Variants in SON observed in about 807,000 individuals in gnomAD.
SON encodes protein SON.
In SON, 4 loss-of-function variants were observed where a neutral mutation model predicts 173.3. That is an observed-to-expected ratio of 0.02 (90% CI 0.01 to 0.05). The LOEUF (loss-of-function observed/expected upper bound fraction) is 0.05, where lower values mean the gene tolerates loss of function less well. Ranked by LOEUF, SON falls within the 10% of genes least tolerant of loss-of-function variation. SON has a pLI of 1.00. For synonymous variants in SON, 1,190 were observed against 1,105.9 expected (o/e 1.08, Z -1.51); for missense variants, 2,626 against 3,055.3 (o/e 0.86, Z 3.31).
rs776015303 is a variant in SON at position 33,549,807 on chromosome 21, A to G, written c.576A>G (p.Val192=). The change falls in exon 3 of 12, where the codon GTA becomes GTG. Residue 192 remains valine (V), a synonymous_variant. Coordinates refer to ENST00000356577, the MANE Select transcript of SON (RefSeq NM_138927.4). ...SPAVVLEPPV[V]SMEVSEPHIL... is the part of the protein sequence containing the mutation. ...CAGTTGTGCTAGAACCTCCTGTAGT[A>G]TCAATGGAGGTATCAGAGCCACACA... The G allele has an allele frequency of 7.4e-6, 12 of 1,614,120 alleles. No individual in the cohort carries two copies. The highest frequency in any genetic ancestry group is 4.5e-5 in the East Asian group (2 of 44,900).
intron 8 of SON, among the ~76,000 whole-genome samples, chr21:33,570,814 T>C (rs2086268334): frequency 6.6e-6 from 1 of 152,196 alleles, no homozygotes; most frequent in South Asian, 2.1e-4. Context: ...CACTGCTAGG[T>C]AGAAACTTCT....
chr21:33,546,540 G>T, intron 2 of SON, 161 bp downstream of exon 2: 1 of 500,124 alleles, frequency 2.0e-6, no homozygotes, highest in South Asian at 2.5e-5. Context: ...AGCACTTTGG[G>T]AGGCTGAGGT....
rs2085514436 is a variant in SON at position 33,543,450 on chromosome 21, C to T, written c.77+281C>T. The stretch of plus-strand genomic sequence containing the variant: ...TTCTCCCCTGTTTGGGTCCCCCCTG[C>T]CGTTTAGCTACTCGTAGGCCCGGTT... On this transcript the variant is annotated intron_variant, in intron 1 of 11. Coordinates refer to ENST00000356577, the MANE Select transcript of SON (RefSeq NM_138927.4). 5.4e-5 allele frequency: 25 copies of T among 464,354 alleles called. No homozygotes were observed. In the South Asian group the frequency reaches 5.5e-4, roughly 10 times the overall value. 28.8% of individuals were successfully genotyped at this position (464,354 alleles called of 1,614,324 possible).
intron 7 of SON, among the ~76,000 whole-genome samples, chr21:33,567,635 A>G (rs2086200144): frequency 6.6e-6 from 1 of 152,170 alleles, no homozygotes; most frequent in Non-Finnish European, 1.5e-5. Flanking sequence ...AGGGTGGTTA[A>G]GGCCAGGCAT....
chr21:33,552,678 G>A lies in SON; in HGVS notation c.3447G>A (p.Leu1149=), dbSNP rs148064125. Residue 1149 remains leucine, a synonymous_variant, in exon 3 of 12, where the codon TTG becomes TTA. Transcript: ENST00000356577. The surrounding 1 kb of genome is among the most constrained non-coding windows in gnomAD (Gnocchi z 5.6). ...TYTEAYMVPP[L]PPEEPPTMPP... is the part of the protein sequence containing the mutation. ...CAGAGGCATATATGGTGCCACCTTT[G>A]CCTCCTGAAGAGCCCCCAACAATGC... 282 of 1,614,006 alleles carry A rather than the reference G, an allele frequency of 1.7e-4. 1 individual carries two copies. The African/African-American group carries it at 3.6e-3, about 21-fold the overall frequency.
At position 33,551,876 on chromosome 21, in the gene SON, A is replaced by T; in HGVS notation, c.2645A>T (p.Asp882Val). Residue 882 changes from aspartate to valine, a missense_variant, in exon 3 of 12, where the codon GAT becomes GTT. By Grantham distance (152) the Asp-to-Val change is radical. Coordinates refer to ENST00000356577, the MANE Select transcript of SON (RefSeq NM_138927.4). The part of the protein sequence containing the change: ...DSQMLASGTM[D>V]AQMLASGTMD... ...CAAATGTTAGCTTCTGGCACCATGG[A>T]TGCTCAGATGTTAGCGTCTGGTACC... 1 of 1,614,068 alleles carries T rather than the reference A, an allele frequency of 6.2e-7. No homozygotes were observed. Among genetic ancestry groups the T allele is most frequent in the Non-Finnish European group, 8.5e-7 (1 of 1,180,006 alleles).
rs760754602 is a variant in SON, at chr21:33,554,221, A to G, written c.4990A>G (p.Ile1664Val). The G allele has an allele frequency of 1.9e-5, 30 of 1,614,034 alleles. No homozygotes were observed. The highest frequency in any genetic ancestry group is 1.6e-4 in the Middle Eastern group (1 of 6,084). The change falls in exon 3 of 12, where the codon ATT becomes GTT. Residue 1664 changes from isoleucine to valine, a missense_variant. By Grantham distance (29) the Ile-to-Val change is conservative. Transcript: ENST00000356577. ...TGAAGGGCCTTTGCCTGCTAAAGAT[A>G]TTCATCTTGATTTACCATCTAATAA... ...DIEGPLPAKD[I>V]HLDLPSNNNL...
chr21:33,571,172 A>AG (rs2086276314), intron 8 of SON, among the ~76,000 whole-genome samples: 1 of 152,206 alleles, frequency 6.6e-6, no homozygotes, highest in Non-Finnish European at 1.5e-5. Flanking sequence ...TTAAAGGAAA[A>AG]GATTCATTTG....
At chr21:33,566,148 T>C (rs1290178722) in intron 6 of SON, among the ~76,000 whole-genome samples, 1 of 152,196 alleles carries the variant, frequency 6.6e-6, no homozygotes, top group African/African-American at 2.4e-5. Flanking sequence ...TGTCTACTTA[T>C]TCTTTGTATA....
At chr21:33,545,649 T>G (rs2085597444) in intron 1 of SON, among the ~76,000 whole-genome samples, 1 of 152,256 alleles carries the variant, frequency 6.6e-6, no homozygotes. Context: ...TTGATAATTG[T>G]GTAAAAATTA....
intron 2 of SON, among the ~76,000 whole-genome samples, chr21:33,547,613 C>T (rs905894648): frequency 6.2e-5 from 9 of 145,928 alleles, no homozygotes; most frequent in Non-Finnish European, 1.2e-4. Context: ...TATGACTTAT[C>T]TAACATTTTG....
At chr21:33,575,961 A>G (rs989937898) in intron 11 of SON, 68 bp downstream of exon 11, 6 of 753,036 alleles carry the variant, frequency 8.0e-6, no homozygotes, top group Non-Finnish European at 1.3e-5. Context: ...TGAGGGGTAA[A>G]CATGATCACA....
chr21:33,573,182 T>C (rs2086325464), intron 8 of SON, 126 bp from the exon 9 acceptor site: 1 of 721,348 alleles, frequency 1.4e-6, no homozygotes, highest in Non-Finnish European at 2.3e-6. Flanking sequence ...TAGAGGAATT[T>C]ACATTTAATT....
chr21:33,572,150 A>G (rs1447629367), intron 8 of SON: 1 of 148,888 alleles, frequency 6.7e-6, no homozygotes, highest in East Asian at 2.0e-4. Flanking sequence ...CTCTCTGTTG[A>G]TAAGTTAATG....
Position 33,553,408 on chromosome 21 carries a change from G to A in SON, c.4177G>A (p.Glu1393Lys), listed in dbSNP as rs979791968. Residue 1393 changes from glutamate to lysine, a missense_variant, in exon 3 of 12, where the codon GAG becomes AAG. By Grantham distance (56) the Glu-to-Lys change is moderately conservative. Transcript: ENST00000356577. ...GGAGCCTTCGGTTGTGACTGTCCCG[G>A]AGCCTCCTGTTGTGGCTGAGCCAGA... ...VLEPSVVTVP[E>K]PPVVAEPDYV... 1 of 1,613,750 alleles carries A rather than the reference G, an allele frequency of 6.2e-7. No homozygotes were observed. Among genetic ancestry groups the A allele is most frequent in the African/African-American group, 1.3e-5 (1 of 74,912 alleles).
Position 33,559,208 on chromosome 21 carries a change from T to C in SON, c.6322-22T>C, listed in dbSNP as rs1252412937. The stretch of plus-strand genomic sequence containing the variant: ...CTACATAAAGCGTAAGATTTATCTT[T>C]TGTTTGTTTTTACTTTTAAAGAAAT... On this transcript the variant is annotated intron_variant, in intron 4 of 11. Coordinates refer to ENST00000356577, the MANE Select transcript of SON (RefSeq NM_138927.4). This position sits in a 1 kb window ranked among gnomAD's most constrained non-coding sequence, Gnocchi z 4.1. The C allele has an allele frequency of 4.6e-6, 7 of 1,514,488 alleles. No homozygotes were observed. Among genetic ancestry groups the C allele is most frequent in the East Asian group, 2.3e-5 (1 of 42,640 alleles). 93.8% of individuals were successfully genotyped at this position (1,514,488 alleles called of 1,614,324 possible). A position where few individuals can be genotyped will look rare whatever the true frequency, so the allele number is the denominator to read the frequency against.
chr21:33,551,162 A>G lies in SON; in HGVS notation c.1931A>G (p.Gln644Arg). ...GQPGAPELPG[Q>R]PVATVALEIS... ...CCTGGGGCGCCAGAGTTGCCTGGGC[A>G]GCCTGTGGCAACTGTGGCGCTGGAG... Residue 644 changes from glutamine (Q) to arginine (R), a missense_variant, in exon 3 of 12, where the codon CAG (glutamine) becomes CGG (arginine). Transcript: ENST00000356577. The G allele has an allele frequency of 6.2e-7, 1 of 1,613,936 alleles. No individual in the cohort carries two copies. The highest frequency in any genetic ancestry group is 8.5e-7 in the Non-Finnish European group (1 of 1,179,858).
chr21:33,557,054 T>C (rs2085982220), intron 3 of SON, 102 bp from the exon 4 acceptor site: 1 of 950,896 alleles, frequency 1.1e-6, no homozygotes, highest in South Asian at 2.6e-5. Flanking sequence ...AGTTCTTCGA[T>C]GGATCTAGGA....
At chr21:33,574,925 A>G (rs2086365028) in intron 9 of SON, among the ~76,000 whole-genome samples, 1 of 152,210 alleles carries the variant, frequency 6.6e-6, no homozygotes, top group South Asian at 2.1e-4. Context: ...TTTTATTTGG[A>G]GACAACCGTT....
Sources: gnomAD v4.1 joint callset for allele counts (sites outside exome capture counted in the v4.1 genomes callset) on GRCh38, gnomAD v4.1.1 for gene constraint, Gnocchi (gnomAD v3.1) non-coding constraint, MANE v1.5 for transcripts, NCBI Gene and HGNC (gene_info 2026-07-23, HGNC 2026-07-21) for gene names.